LY96: variants seen among roughly 807,000 people sequenced by gnomAD.
LY96 encodes lymphocyte antigen 96, also known as myeloid differentiation protein-2.
A neutral mutation model predicts 18.9 loss-of-function variants in LY96; 18 were observed. That is an observed-to-expected ratio of 0.95 (90% confidence interval 0.66 to 1.41). LY96 has a LOEUF of 1.41. Among genes scored for constraint, LY96 ranks in the 40% most tolerant of loss-of-function variants. The pLI is 0.00. For synonymous variants in LY96, 66 were observed against 62.6 expected, an observed-to-expected ratio of 1.06 and a Z score of -0.26; for missense variants, 175 against 182.4, an observed-to-expected ratio of 0.96 and a Z score of 0.23.
chr8:74,030,460 C>T (rs1210925388), downstream of LY96, among the ~76,000 whole-genome samples: 8 of 152,144 alleles, frequency 5.3e-5, no homozygotes, highest in Admixed American at 2.6e-4. Context: ...TTGTAGTGAG[C>T]CAAGATTGTG....
chr8:74,047,932 C>T, the LY96 span, among the ~76,000 whole-genome samples: 3 of 152,038 alleles, frequency 2.0e-5, no homozygotes, highest in East Asian at 1.9e-4. Flanking sequence ...ATTCTGTCTC[C>T]CCAGGCTGGA....
the LY96 span, among the ~76,000 whole-genome samples, chr8:74,036,559 C>T: frequency 3.9e-5 from 6 of 152,178 alleles, no homozygotes; most frequent in African/African-American, 9.7e-5. Flanking sequence ...GAGGTAGACT[C>T]AGCTCATGAG....
intron 1 of LY96, among the ~76,000 whole-genome samples, chr8:73,993,195 C>T (rs1816046958): frequency 6.6e-6 from 1 of 151,976 alleles, no homozygotes; most frequent in Non-Finnish European, 1.5e-5. Context: ...ATGGATGTAA[C>T]ATTTTGTATT....
At chr8:74,080,953 A>G in the LY96 span, among the ~76,000 whole-genome samples, 25 of 147,926 alleles carry the variant, frequency 1.7e-4, no homozygotes, top group South Asian at 4.0e-3. Context: ...TGTCTTTTGG[A>G]CTGTCTTGTG....
the LY96 span, among the ~76,000 whole-genome samples, chr8:74,038,518 T>C: frequency 6.6e-6 from 1 of 152,226 alleles, no homozygotes; most frequent in Non-Finnish European, 1.5e-5. Context: ...TTGCAAATAA[T>C]AGGATCTTAT....
At chr8:74,076,029 G>A in the LY96 span, among the ~76,000 whole-genome samples, 1 of 152,050 alleles carries the variant, frequency 6.6e-6, no homozygotes, top group Non-Finnish European at 1.5e-5. Context: ...TATCAGAGTC[G>A]TTCTGTGTCA....
the LY96 span, among the ~76,000 whole-genome samples, chr8:74,081,062 T>TTCTC: frequency 5.7e-4 from 72 of 125,446 alleles, 1 homozygote; most frequent in African/African-American, 2.0e-3. Context: ...CTTTCTTTCT[T>TTCTC]TCTTACTTTC....
downstream of LY96, among the ~76,000 whole-genome samples, chr8:74,033,245 T>C (rs1816999503): frequency 6.6e-6 from 1 of 152,182 alleles, no homozygotes; most frequent in South Asian, 2.1e-4. Flanking sequence ...AACAGTGATA[T>C]AATTTTTTGG....
chr8:74,029,684 G>T (rs1425131432), downstream of LY96, among the ~76,000 whole-genome samples: 1 of 152,028 alleles, frequency 6.6e-6, no homozygotes, highest in Non-Finnish European at 1.5e-5. Flanking sequence ...TTTTGAGATG[G>T]AGTCTCACTC....
chr8:73,996,768 G>T (rs531093949), intron 1 of LY96, among the ~76,000 whole-genome samples: 1 of 151,498 alleles, frequency 6.6e-6, no homozygotes, highest in Admixed American at 6.6e-5. Flanking sequence ...TTTTTGAGAT[G>T]GGGTCTTGCT....
downstream of LY96, chr8:74,029,086 G>T (rs143860972): frequency 3.0e-6 from 4 of 1,341,004 alleles, no homozygotes; most frequent in Non-Finnish European, 4.2e-6. Context: ...AAAATTTAAA[G>T]GTATTGTTCC....
At chr8:74,043,263 A>C in the LY96 span, among the ~76,000 whole-genome samples, 1 of 152,206 alleles carries the variant, frequency 6.6e-6, no homozygotes, top group African/African-American at 2.4e-5. Context: ...TGGGCCAGTG[A>C]GATATGCTAG....
downstream of LY96, among the ~76,000 whole-genome samples, chr8:74,030,615 A>G (rs749963677): frequency 6.6e-5 from 10 of 151,814 alleles, no homozygotes; most frequent in Admixed American, 6.6e-4. Context: ...TTAAACCTCC[A>G]CTCCTAAACT....
chr8:74,056,070 AG>A, the LY96 span: 2 of 160,910 alleles, frequency 1.2e-5, no homozygotes, highest in Admixed American at 6.5e-5. Flanking sequence ...GTTGGCCTCA[AG>A]GGTTGTGATA....
At chr8:74,089,647 G>A in the LY96 span, among the ~76,000 whole-genome samples, 2 of 151,298 alleles carry the variant, frequency 1.3e-5, no homozygotes, top group Admixed American at 6.7e-5. Flanking sequence ...CAAAGTCCCT[G>A]CCCTCATGGA....
chr8:74,097,748 A>T, the LY96 span, among the ~76,000 whole-genome samples: 7 of 152,244 alleles, frequency 4.6e-5, no homozygotes, highest in East Asian at 1.4e-3. Flanking sequence ...AAGTAAATAG[A>T]TAAATAAATA....
the LY96 span, among the ~76,000 whole-genome samples, chr8:74,065,765 C>T: frequency 6.6e-6 from 1 of 152,304 alleles, no homozygotes; most frequent in East Asian, 1.9e-4. Flanking sequence ...ATTACAGTAG[C>T]TATTAAGACA....
chr8:74,002,052 T>C (rs1464497616), intron 1 of LY96, among the ~76,000 whole-genome samples: 7 of 40,758 alleles, frequency 1.7e-4, no homozygotes, highest in East Asian at 6.0e-4. Flanking sequence ...CCTTCCTTCC[T>C]TCCTTCCTTC....
At chr8:74,030,026 T>G (rs967147993), downstream of LY96, among the ~76,000 whole-genome samples, 1 of 152,118 alleles carries the variant, frequency 6.6e-6, no homozygotes, top group African/African-American at 2.4e-5. Context: ...AATACAGCAG[T>G]GTTGACCTAA....
Sources: gnomAD v4.1 joint callset for allele counts (sites outside exome capture counted in the v4.1 genomes callset) on GRCh38, gnomAD v4.1.1 for gene constraint, MANE v1.5 for transcripts, NCBI Gene and HGNC (gene_info 2026-07-23, HGNC 2026-07-21) for gene names.